CCL3: variants seen among roughly 807,000 people sequenced by gnomAD.
The protein encoded by CCL3 is C-C motif chemokine 3.
In CCL3, 6 loss-of-function variants were observed where a neutral mutation model predicts 8.1. That is an observed-to-expected ratio of 0.74 (90% CI 0.41 to 1.46). CCL3 has a LOEUF of 1.46. CCL3 is among the 40% of genes most tolerant of loss of function. The probability of loss-of-function intolerance (pLI) is 0.02; values close to 1 mark genes in which losing one functional copy is unlikely to be tolerated. For missense variants in CCL3, 109 were observed against 117.7 expected (o/e 0.93, Z 0.34); for synonymous variants, 45 against 45.1 (o/e 1.00, Z 0.01).
chr17:36,088,372 G>A lies in CCL3; in HGVS notation c.*300C>T. ...TTTGGTGCCATGACTGCCTACACAG[G>A]CTGATGACAGCCACTCGGTTGTCAC... On this transcript the variant is annotated 3_prime_UTR_variant, in exon 3 of 3. Coordinates refer to ENST00000613922, the MANE Select transcript of CCL3 (RefSeq NM_002983.3). 2.3e-6 allele frequency: 1 copy of A among 437,722 alleles called. No homozygotes were observed. The highest frequency in any genetic ancestry group is 2.7e-5 in the South Asian group (1 of 37,246). The allele number at this position is 437,722 out of a possible 1,614,324, so 27.1% of individuals were successfully genotyped here.
At chr17:36,088,892 C>G in intron 2 of CCL3, 130 bp from the exon 3 acceptor site, 1 of 1,245,814 alleles carries the variant, frequency 8.0e-7, no homozygotes, top group Non-Finnish European at 1.2e-6. Flanking sequence ...GGGCCCCCTG[C>G]CTATCTCTGT....
Position 36,088,652 on chromosome 17 carries a change from C to A in CCL3, c.*20G>T, listed in dbSNP as rs774884627. ...CACTGGGCCCACCGAGGTCGCTGGG[C>A]CTCGAAGCTTCTGGACCCCTCAGGC... On this transcript the variant is annotated 3_prime_UTR_variant, in exon 3 of 3. Coordinates refer to ENST00000613922, the MANE Select transcript of CCL3 (RefSeq NM_002983.3). 6.2e-7 allele frequency: 1 copy of A among 1,612,842 alleles called. No homozygotes were observed. Among genetic ancestry groups the A allele is most frequent in the Non-Finnish European group, 8.5e-7 (1 of 1,179,826 alleles).
chr17:36,090,116 G>A lies in CCL3; in HGVS notation c.-58C>T. Reference sequence around the variant, plus strand: ...GTGTCAGCAGAGCCAAGAAAGGACTGACCACTGTCTGCTGCCCGTGTCCTT... The same window carrying A: ...GTGTCAGCAGAGCCAAGAAAGGACTAACCACTGTCTGCTGCCCGTGTCCTT... On this transcript the variant is annotated 5_prime_UTR_variant, in exon 1 of 3. Transcript: ENST00000613922. 7 of 1,501,954 alleles carry A rather than the reference G, an allele frequency of 4.7e-6. No homozygotes were observed. Among genetic ancestry groups the A allele is most frequent in the Admixed American group, 1.8e-5 (1 of 56,856 alleles). The allele number at this position is 1,501,954 out of a possible 1,614,324, so 93.0% of individuals were successfully genotyped here.
At chr17:36,089,385 A>T in intron 1 of CCL3, 88 bp from the exon 2 acceptor site, 1 of 1,543,966 alleles carries the variant, frequency 6.5e-7, no homozygotes, top group African/African-American at 1.4e-5. Flanking sequence ...TGAGGAAGGC[A>T]GGCTTGCTCA....
rs5029408 is a variant in CCL3, at chr17:36,088,746, T to C, written c.205A>G (p.Ser69Gly). The C allele has an allele frequency of 9.7e-5, 157 of 1,613,810 alleles. No individual in the cohort carries two copies. In the African/African-American group the frequency reaches 1.3e-3, roughly 13 times the overall value. The part of the protein sequence containing the change: ...KPGVIFLTKR[S>G]RQVCADPSEE... ...CTGGGGTCAGCACAGACCTGCCGGC[T>C]TCGCTTGGTTAGGAAGCTGTGGAGA... Residue 69 changes from serine (S) to glycine (G), a missense_variant, in exon 3 of 3, where the codon AGC becomes GGC. Physicochemically the swap from Ser to Gly is moderately conservative, Grantham distance 56 (BLOSUM62 0). Coordinates refer to ENST00000613922, the MANE Select transcript of CCL3 (RefSeq NM_002983.3).
At chr17:36,089,600 G>A (rs1719134) in intron 1 of CCL3, 136,792 of 606,860 alleles carry the variant, frequency 0.23, 16,281 homozygotes, top group East Asian at 0.33. Context: ...CCCAAGAGAA[G>A]CCTTGGACAT....
chr17:36,088,905 A>T, intron 2 of CCL3, 143 bp from the exon 3 acceptor site: 1 of 1,126,496 alleles, frequency 8.9e-7, no homozygotes. Flanking sequence ...ATCTCTGTCT[A>T]GAGAGCTTCT....
chr17:36,089,717 G>A, intron 1 of CCL3: 1 of 688,086 alleles, frequency 1.5e-6, no homozygotes, highest in East Asian at 2.9e-5. Flanking sequence ...TCTGCCTCTT[G>A]CTAACTGATT....
intron 2 of CCL3, among the ~76,000 whole-genome samples, chr17:36,088,982 T>A (rs991746598): frequency 5.3e-5 from 8 of 152,196 alleles, no homozygotes; most frequent in African/African-American, 1.9e-4. Flanking sequence ...CCCTTTCCTC[T>A]GGGCTGGGGC....
chr17:36,089,408 G>T, intron 1 of CCL3, 111 bp from the exon 2 acceptor site: 1 of 1,357,384 alleles, frequency 7.4e-7, no homozygotes, highest in Non-Finnish European at 1.0e-6. Flanking sequence ...CCAAGTGACT[G>T]GAAGGCATTT....
In CCL3 at chr17:36,089,281, C is replaced by G; in HGVS notation, c.90G>C (p.Pro30=). Residue 30 remains proline (P), a synonymous_variant, in exon 2 of 3, where the codon CCG becomes CCC. Coordinates refer to ENST00000613922, the MANE Select transcript of CCL3 (RefSeq NM_002983.3). ...AGGTGTAGCTGAAGCAGCAGGCGGT[C>G]GGCGTGTCAGCAGCAACTGTGGAGA... ...QFSASLAADT[P]TACCFSYTSR... is the part of the protein sequence containing the mutation. 1.2e-6 allele frequency: 2 copies of G among 1,613,980 alleles called. No homozygotes were observed. The highest frequency in any genetic ancestry group is 8.5e-7 in the Non-Finnish European group (1 of 1,179,992).
Position 36,088,491 on chromosome 17 carries a change from CTAAA to C in CCL3, c.*177_*180del, listed in dbSNP as rs2067006836. On this transcript the variant is annotated 3_prime_UTR_variant, in exon 3 of 3. Transcript: ENST00000613922. ...TGAAATCGAAAATAAATTACAAAAA[CTAAA>C]TAGTATAAATAAATTAAAATTTAAG... 1.5e-6 allele frequency: 1 copy of C among 656,606 alleles called. No homozygotes were observed. 40.7% of individuals were successfully genotyped at this position (656,606 alleles called of 1,614,324 possible).
chr17:36,089,336 CAGA>C, intron 1 of CCL3, 39 bp from the exon 2 acceptor site: 1 of 1,613,878 alleles, frequency 6.2e-7, no homozygotes, highest in Non-Finnish European at 8.5e-7. Context: ...AGTCACAGCT[CAGA>C]AGAAAAGGCC....
At chr17:36,089,816 A>G in intron 1 of CCL3, 170 bp downstream of exon 1, 1 of 751,194 alleles carries the variant, frequency 1.3e-6, no homozygotes, top group Non-Finnish European at 2.4e-6. Flanking sequence ...TAGGGGGCTA[A>G]GACCCCTTCT....
In CCL3 at chr17:36,090,092, T is replaced by C; in HGVS notation, c.-34A>G. 1.3e-6 allele frequency: 2 copies of C among 1,599,592 alleles called. No homozygotes were observed. The highest frequency in any genetic ancestry group is 1.3e-5 in the African/African-American group (1 of 74,638). Reference sequence around the variant, plus strand: ...GCAGGTGACGGAATGTGGGCTCGAGTGTCAGCAGAGCCAAGAAAGGACTGA... The same window carrying C: ...GCAGGTGACGGAATGTGGGCTCGAGCGTCAGCAGAGCCAAGAAAGGACTGA... On this transcript the variant is annotated 5_prime_UTR_variant, in exon 1 of 3. Coordinates refer to ENST00000613922, the MANE Select transcript of CCL3 (RefSeq NM_002983.3).
Position 36,088,265 on chromosome 17 carries a change from TAA to T in CCL3, c.*405_*406del. ...CCAAACTCAATACTGGTTTACCTTT[TAA>T]AAGAGCATCTTTATTATTTCCCCAG... On this transcript the variant is annotated 3_prime_UTR_variant, in exon 3 of 3. Transcript: ENST00000613922. 4.9e-6 allele frequency: 1 copy of T among 205,072 alleles called. No individual in the cohort carries two copies. 12.7% of individuals were successfully genotyped at this position (205,072 alleles called of 1,614,324 possible).
rs903175593 is a variant in CCL3, at chr17:36,089,274, A to AGGCG, written c.93_96dup (p.Cys33ArgfsTer18). ...TGCCGGGAGGTGTAGCTGAAGCAGC[A>AGGCG]GGCGGTCGGCGTGTCAGCAGCAACT... On this transcript the variant is annotated frameshift_variant, in exon 2 of 3. Coordinates refer to ENST00000613922, the MANE Select transcript of CCL3 (RefSeq NM_002983.3). LOFTEE classifies it high-confidence loss of function. 1 of 1,614,094 alleles carries AGGCG rather than the reference A, an allele frequency of 6.2e-7. No individual in the cohort carries two copies. The highest frequency in any genetic ancestry group is 1.3e-5 in the African/African-American group (1 of 75,016).
rs1240356517 is a variant in CCL3 at position 36,089,196 on chromosome 17, T to G, written c.175A>C (p.Lys59Gln). ...DYFETSSQCS[K>Q]PGVIFLTKRS... ...ACTGGCACTTACATGACACCGGGCT[T>G]GGAGCACTGGCTGCTCGTCTCAAAG... The change falls in exon 2 of 3, where the codon AAG becomes CAG. Residue 59 changes from lysine (K) to glutamine (Q), a missense_variant. Transcript: ENST00000613922. 6.2e-7 allele frequency: 1 copy of G among 1,613,998 alleles called. No individual in the cohort carries two copies. The highest frequency in any genetic ancestry group is 8.5e-7 in the Non-Finnish European group (1 of 1,179,870).
In CCL3 at chr17:36,088,620, T is replaced by C. The variant is rs1424956901; in HGVS notation, c.*52A>G. The C allele has an allele frequency of 2.5e-6, 4 of 1,602,322 alleles. No homozygotes were observed. Among genetic ancestry groups the C allele is most frequent in the South Asian group, 1.1e-5 (1 of 90,832 alleles). On this transcript the variant is annotated 3_prime_UTR_variant, in exon 3 of 3. Coordinates refer to ENST00000613922, the MANE Select transcript of CCL3 (RefSeq NM_002983.3). ...ATGTTCCCAAGGCTCAGGCTCCTGCTCCTCCCCACTGGGCCCACCGAGGTC... is the reference window on the plus strand; with the variant it reads ...ATGTTCCCAAGGCTCAGGCTCCTGCCCCTCCCCACTGGGCCCACCGAGGTC...
Sources: allele counts gnomAD v4.1 joint callset (sites outside exome capture counted in the v4.1 genomes callset), GRCh38; gene constraint gnomAD v4.1.1; transcripts MANE v1.5; gene names NCBI Gene and HGNC (gene_info 2026-07-23, HGNC 2026-07-21).